The following SETBP1 variants were observed in gnomAD, a reference collection of about 807,000 sequenced individuals.
The protein encoded by SETBP1 is SET binding protein 1, also known as SET-binding protein.
In SETBP1, 9 loss-of-function variants were observed where a neutral mutation model predicts 101.0. The ratio of observed to expected loss-of-function variants is 0.09; its 90% CI spans 0.05 to 0.16. SETBP1 has a LOEUF of 0.16. Ranked by LOEUF, SETBP1 falls within the 10% of genes least tolerant of loss-of-function variation. The probability of loss-of-function intolerance (pLI) is 1.00; values close to 1 mark genes in which losing one functional copy is unlikely to be tolerated. For missense variants in SETBP1, 1,858 were observed against 2,033.8 expected (o/e 0.91, Z 1.66); for synonymous variants, 818 against 788.5 (o/e 1.04, Z -0.63).
chr18:44,886,478 A>AT (rs1374022500), intron 3 of SETBP1, among the ~76,000 whole-genome samples: 1 of 151,946 alleles, frequency 6.6e-6, no homozygotes, highest in Admixed American at 6.6e-5. Context: ...TCGTCTTCTT[A>AT]TTTTTTTGAT....
At chr18:44,928,492 G>A (rs1181312998) in intron 3 of SETBP1, among the ~76,000 whole-genome samples, 1 of 152,188 alleles carries the variant, frequency 6.6e-6, no homozygotes, top group African/African-American at 2.4e-5. Context: ...CTAGATCCTT[G>A]AGGAATTGCC....
rs150970904 is a variant in SETBP1, at chr18:44,954,818, T to C, written c.4000+1478T>C. Among the ~76,000 whole-genome samples the C allele has an allele frequency of 2.7e-3, 410 of 152,330 alleles. 2 individuals are homozygous for C. The highest frequency in any genetic ancestry group is 4.6e-3 in the Non-Finnish European group (311 of 68,028). On this transcript the variant is annotated intron_variant, in intron 4 of 5. Coordinates refer to ENST00000649279, the MANE Select transcript of SETBP1 (RefSeq NM_015559.3). ...ACTTTGTTGAAGGTGCTTGGTTTTA[T>C]GCAGAGTGCAGGCTAAGCCCACCTG... is the stretch of plus-strand genomic sequence containing the variant.
At chr18:44,884,522 G>A (rs573643540) in intron 3 of SETBP1, among the ~76,000 whole-genome samples, 3 of 152,258 alleles carry the variant, frequency 2.0e-5, no homozygotes, top group South Asian at 4.1e-4. Flanking sequence ...GAGCCCAGGG[G>A]CCATGAACCT....
At position 44,953,148 on chromosome 18, in the gene SETBP1, G is replaced by T; in HGVS notation, c.3808G>T (p.Gly1270Cys). 1 of 1,614,082 alleles carries T rather than the reference G, an allele frequency of 6.2e-7. No individual in the cohort carries two copies. Among genetic ancestry groups the T allele is most frequent in the Non-Finnish European group, 8.5e-7 (1 of 1,180,004 alleles). ...TKRYSGSGGDGGSTRSENLDV... is the reference protein window; with the variant it reads ...TKRYSGSGGDCGSTRSENLDV... ...AAGATACTCTGGCAGTGGCGGGGAT[G>T]GTGGCAGCACGAGATCAGAGAACCT... Residue 1270 changes from glycine (G) to cysteine (C), a missense_variant, in exon 4 of 6, where the codon GGT (glycine) becomes TGT (cysteine). Gly to Cys is a radical substitution (Grantham distance 159, BLOSUM62 -3). Around this residue, in one of 12 missense-constraint regions of SETBP1, gnomAD observed 417 missense variants for 389.1 expected, o/e 1.07. Transcript: ENST00000649279.
intron 4 of SETBP1, among the ~76,000 whole-genome samples, chr18:44,978,397 T>C (rs2072038417): frequency 6.6e-6 from 1 of 152,204 alleles, no homozygotes; most frequent in African/African-American, 2.4e-5. Flanking sequence ...TTTTACATGA[T>C]ATCTTGTAGT....
At chr18:44,755,185 T>C (rs2070464883) in intron 2 of SETBP1, among the ~76,000 whole-genome samples, 1 of 152,170 alleles carries the variant, frequency 6.6e-6, no homozygotes, top group South Asian at 2.1e-4. Flanking sequence ...GATTAAAAAA[T>C]GAGAAGGGAG....
chr18:44,809,897 A>G (rs1408621308), intron 2 of SETBP1, among the ~76,000 whole-genome samples: 1 of 152,142 alleles, frequency 6.6e-6, no homozygotes, highest in Non-Finnish European at 1.5e-5. Flanking sequence ...TGCAGAAAGC[A>G]AGGGTCCCTA....
rs150392359 is a variant in SETBP1 at position 44,748,457 on chromosome 18, A to G, written c.486+46625A>G. 3.8e-3 allele frequency among the ~76,000 whole-genome samples: 584 copies of G among 152,318 alleles called. 3 individuals carry two copies. The highest frequency in any genetic ancestry group is 4.3e-3 in the Non-Finnish European group (292 of 68,018). The stretch of plus-strand genomic sequence containing the variant: ...AGCCTGGGGAAGAGCAGAACATGAT[A>G]GTTTTATCAGCTTCAGTCTCACTGC... On this transcript the variant is annotated intron_variant, in intron 2 of 5. Transcript: ENST00000649279.
chr18:44,823,578 C>A (rs1186537440), intron 2 of SETBP1, among the ~76,000 whole-genome samples: 1 of 152,154 alleles, frequency 6.6e-6, no homozygotes, highest in Non-Finnish European at 1.5e-5. Flanking sequence ...CTCCCACATA[C>A]CGGGAGAAAA....
At chr18:44,719,633 C>T (rs917516056) in intron 2 of SETBP1, among the ~76,000 whole-genome samples, 17 of 152,236 alleles carry the variant, frequency 1.1e-4, no homozygotes, top group Non-Finnish European at 1.5e-4. Context: ...CTGTGCCCCA[C>T]TCCACCTCCA....
At chr18:44,969,706 G>A (rs1242061340) in intron 4 of SETBP1, among the ~76,000 whole-genome samples, 1 of 152,190 alleles carries the variant, frequency 6.6e-6, no homozygotes, top group Non-Finnish European at 1.5e-5. Flanking sequence ...TGATTTAATA[G>A]CTCTGTGCCT....
chr18:44,942,448 G>A (rs963931836), intron 3 of SETBP1, among the ~76,000 whole-genome samples: 4 of 152,048 alleles, frequency 2.6e-5, no homozygotes, highest in Admixed American at 2.0e-4. Context: ...CCTTTCTCAG[G>A]TATCCTAACC....
intron 3 of SETBP1, among the ~76,000 whole-genome samples, chr18:44,926,905 G>A (rs2070718700): frequency 2.0e-5 from 3 of 152,154 alleles, no homozygotes; most frequent in Admixed American, 6.5e-5. Flanking sequence ...AGGTTCTATA[G>A]GTAAGAAAGA....
chr18:44,859,669 G>A (rs1202944228), intron 2 of SETBP1, among the ~76,000 whole-genome samples: 1 of 152,200 alleles, frequency 6.6e-6, no homozygotes, highest in African/African-American at 2.4e-5. Flanking sequence ...TACAAGAACA[G>A]GCTAAAGTAG....
At chr18:44,983,310 A>G (rs1337946167) in intron 4 of SETBP1, among the ~76,000 whole-genome samples, 1 of 152,192 alleles carries the variant, frequency 6.6e-6, no homozygotes, top group Non-Finnish European at 1.5e-5. Context: ...GTTCATTCCA[A>G]TAATAATTAA....
At chr18:44,870,791 C>A (rs1441022256) in intron 3 of SETBP1, 1 of 152,150 alleles carries the variant, frequency 6.6e-6, no homozygotes, top group African/African-American at 2.4e-5. Context: ...CCGGTAGAGA[C>A]TGAGTTTATT....
At chr18:45,048,472 A>G (rs1285130382) in intron 5 of SETBP1, among the ~76,000 whole-genome samples, 2 of 152,188 alleles carry the variant, frequency 1.3e-5, no homozygotes, top group Non-Finnish European at 2.9e-5. Flanking sequence ...TCCATTAACT[A>G]TCCTTTAGAA....
intron 1 of SETBP1, among the ~76,000 whole-genome samples, chr18:44,697,513 C>A (rs577285491): frequency 6.6e-6 from 1 of 152,294 alleles, no homozygotes; most frequent in East Asian, 1.9e-4. Flanking sequence ...TTGAACTACA[C>A]GACTTTGAAT....
chr18:45,063,141 C>A lies in SETBP1; in HGVS notation c.4234C>A (p.Arg1412=), dbSNP rs145996171. ...REIEAIQCEV[R]KMCNYTKILS... ...GATCGAAGCCATCCAGTGCGAAGTG[C>A]GGAAGATGTGCAACTACACCAAGAT... Residue 1412 remains arginine, a synonymous_variant, in exon 6 of 6, where the codon CGG becomes AGG. Transcript: ENST00000649279. 1.1e-3 allele frequency: 1,825 copies of A among 1,613,756 alleles called. 4 individuals carry two copies. The highest frequency in any genetic ancestry group is 1.5e-3 in the Non-Finnish European group (1,729 of 1,179,992).
Sources: gnomAD v4.1 joint callset for allele counts (sites outside exome capture counted in the v4.1 genomes callset) on GRCh38, gnomAD v4.1.1 for gene constraint, gnomAD v4.1.1 regional missense constraint, MANE v1.5 for transcripts, NCBI Gene and HGNC (gene_info 2026-07-23, HGNC 2026-07-21) for gene names.